Variants in ZDHHC14 observed in about 807,000 individuals in gnomAD.
The protein encoded by ZDHHC14 is palmitoyltransferase ZDHHC14.
A neutral mutation model predicts 47.7 loss-of-function variants in ZDHHC14; 16 were observed. The ratio of observed to expected loss-of-function variants is 0.34; its 90% confidence interval spans 0.23 to 0.51. The LOEUF is 0.51. Among genes scored for constraint, ZDHHC14 ranks in the 20% least tolerant of loss-of-function variants. ZDHHC14 has a pLI of 0.97. For synonymous variants in ZDHHC14, 293 were observed against 278.9 expected (o/e 1.05, Z -0.50); for missense variants, 515 against 662.5 (o/e 0.78, Z 2.44).
chr6:157,433,397 G>A (rs1272255657), intron 1 of ZDHHC14, among the ~76,000 whole-genome samples: 1 of 152,114 alleles, frequency 6.6e-6, no homozygotes, highest in African/African-American at 2.4e-5. Flanking sequence ...TTTGCCTAAA[G>A]GTGGAAACTC....
rs1781474800 is a variant in ZDHHC14, at chr6:157,534,564, A to G, written c.246-8021A>G. 2.8e-5 allele frequency among the ~76,000 whole-genome samples: 3 copies of G among 105,434 alleles called. No homozygotes were observed. The South Asian group carries it at 6.7e-4, about 24-fold the overall frequency. The allele number at this position is 105,434 out of a possible 152,430, so 69.2% of individuals were successfully genotyped here. A position where few individuals can be genotyped will look rare whatever the true frequency, so the allele number is the denominator to read the frequency against. On this transcript the variant is annotated intron_variant, in intron 1 of 8. Transcript: ENST00000359775. ...ATTTCATTTCATTTCATTTCATTTCATTTCATTTCATTTCATTTCATTTCA... is the reference window on the plus strand; with the variant it reads ...ATTTCATTTCATTTCATTTCATTTCGTTTCATTTCATTTCATTTCATTTCA...
chr6:157,551,754 G>A (rs1782244492), intron 2 of ZDHHC14, among the ~76,000 whole-genome samples: 1 of 152,200 alleles, frequency 6.6e-6, no homozygotes, highest in South Asian at 2.1e-4. Flanking sequence ...CTAGCTACAA[G>A]TTCCTCTACT....
intron 2 of ZDHHC14, among the ~76,000 whole-genome samples, chr6:157,572,306 T>A (rs990839255): frequency 6.6e-6 from 1 of 151,978 alleles, no homozygotes; most frequent in African/African-American, 2.4e-5. Flanking sequence ...GTTTCAGATT[T>A]CCCCCGGGAG....
intron 5 of ZDHHC14, among the ~76,000 whole-genome samples, chr6:157,636,296 G>A (rs1016150540): frequency 1.3e-4 from 20 of 150,676 alleles, no homozygotes; most frequent in East Asian, 4.0e-4. Flanking sequence ...AGCTATAGAC[G>A]CACACACACA....
chr6:157,594,267 T>C (rs937655382), intron 3 of ZDHHC14, among the ~76,000 whole-genome samples: 1 of 152,258 alleles, frequency 6.6e-6, no homozygotes, highest in Non-Finnish European at 1.5e-5. Context: ...GCTCATGTTT[T>C]CTCTATCAGG....
At chr6:157,430,978 G>C (rs1223161908) in intron 1 of ZDHHC14, among the ~76,000 whole-genome samples, 1 of 152,190 alleles carries the variant, frequency 6.6e-6, no homozygotes, top group Admixed American at 6.5e-5. Flanking sequence ...TACATTCTGG[G>C]ACTTCCTCAG....
intron 3 of ZDHHC14, among the ~76,000 whole-genome samples, chr6:157,623,187 C>G (rs1366031661): frequency 6.6e-6 from 1 of 152,160 alleles, no homozygotes. Context: ...TGTCCCCACC[C>G]AAATCTCATC....
At chr6:157,422,017 GC>G (rs1258712897) in intron 1 of ZDHHC14, among the ~76,000 whole-genome samples, 1 of 152,214 alleles carries the variant, frequency 6.6e-6, no homozygotes, top group Non-Finnish European at 1.5e-5. Flanking sequence ...TGAGGGGCAG[GC>G]GATTTAGCTC....
At chr6:157,662,331 G>A (rs141817438) in intron 8 of ZDHHC14, among the ~76,000 whole-genome samples, 2,973 of 152,140 alleles carry the variant, frequency 0.02, 48 homozygotes, top group Non-Finnish European at 0.03. Context: ...ACAGGTGCGC[G>A]CCATCATGCC....
intron 5 of ZDHHC14, among the ~76,000 whole-genome samples, chr6:157,635,247 C>G (rs1554276267): frequency 6.6e-6 from 1 of 152,174 alleles, no homozygotes; most frequent in Non-Finnish European, 1.5e-5. Context: ...CCTGCCTCGG[C>G]CTCCCAAAGT....
rs141700743 is a variant in ZDHHC14 at position 157,469,066 on chromosome 6, A to C, written c.246-73519A>C. 6.0e-3 allele frequency among the ~76,000 whole-genome samples: 911 copies of C among 152,264 alleles called. 11 individuals are homozygous for C. The highest frequency in any genetic ancestry group is 0.02 in the African/African-American group (840 of 41,548). On this transcript the variant is annotated intron_variant, in intron 1 of 8. Coordinates refer to ENST00000359775, the MANE Select transcript of ZDHHC14 (RefSeq NM_024630.3). Reference sequence around the variant, plus strand: ...TCTGGGACAAGATGGCCAAAGGCAAAATTGTTGGCTAGGTGAATCTGGCAG... The same window carrying C: ...TCTGGGACAAGATGGCCAAAGGCAACATTGTTGGCTAGGTGAATCTGGCAG...
chr6:157,442,524 C>CT (rs1300631232), intron 1 of ZDHHC14, among the ~76,000 whole-genome samples: 1 of 152,214 alleles, frequency 6.6e-6, no homozygotes, highest in African/African-American at 2.4e-5. Flanking sequence ...TTTCGAAACT[C>CT]TAAGCCCCGC....
chr6:157,518,052 C>T (rs1414800635), intron 1 of ZDHHC14, among the ~76,000 whole-genome samples: 1 of 151,946 alleles, frequency 6.6e-6, no homozygotes, highest in Non-Finnish European at 1.5e-5. Flanking sequence ...GGGCTGGCCA[C>T]CCTGTTGGCA....
chr6:157,521,262 T>G (rs1385213608), intron 1 of ZDHHC14, among the ~76,000 whole-genome samples: 2 of 152,154 alleles, frequency 1.3e-5, no homozygotes, highest in Non-Finnish European at 2.9e-5. Context: ...CCGTTTGGAG[T>G]CTGGGTCTTC....
chr6:157,434,268 A>G (rs1778397597), intron 1 of ZDHHC14, among the ~76,000 whole-genome samples: 1 of 148,852 alleles, frequency 6.7e-6, no homozygotes, highest in Non-Finnish European at 1.5e-5. Flanking sequence ...AGGGTCACTG[A>G]ACTATTCTGA....
chr6:157,658,272 C>G (rs1778191511), intron 8 of ZDHHC14, among the ~76,000 whole-genome samples: 1 of 152,142 alleles, frequency 6.6e-6, no homozygotes, highest in African/African-American at 2.4e-5. Context: ...ACTCTTGCCT[C>G]ACTGGTCCTC....
chr6:157,580,755 T>C (rs1203028907), intron 2 of ZDHHC14, among the ~76,000 whole-genome samples: 1 of 151,958 alleles, frequency 6.6e-6, no homozygotes, highest in African/African-American at 2.4e-5. Context: ...TGTATTTCTC[T>C]GGGGGTAAGT....
At chr6:157,383,062 A>G (rs1324447146) in intron 1 of ZDHHC14, among the ~76,000 whole-genome samples, 1 of 152,242 alleles carries the variant, frequency 6.6e-6, no homozygotes, top group Admixed American at 6.5e-5. Flanking sequence ...TAAAAAGCGC[A>G]TGCAAGTCTT....
chr6:157,434,477 G>A (rs1015286981), intron 1 of ZDHHC14, among the ~76,000 whole-genome samples: 2 of 151,992 alleles, frequency 1.3e-5, no homozygotes, highest in African/African-American at 4.8e-5. Context: ...GTCCCCCTGA[G>A]GACTTTATCT....
Sources: allele counts gnomAD v4.1 joint callset (sites outside exome capture counted in the v4.1 genomes callset), GRCh38; gene constraint gnomAD v4.1.1; transcripts MANE v1.5; gene names NCBI Gene and HGNC (gene_info 2026-07-23, HGNC 2026-07-21).